Variants in UBOX5 observed in about 807,000 individuals in gnomAD.
UBOX5 encodes the protein U-box domain containing 5, also known as RING finger protein 37.
Under a neutral mutation model 39.0 loss-of-function variants are expected in UBOX5, and 28 were observed. That is an observed-to-expected ratio of 0.72 (90% CI 0.53 to 0.98). The LOEUF (loss-of-function observed/expected upper bound fraction) is 0.98. Among genes scored for constraint, UBOX5 ranks in the 50% least tolerant of loss-of-function variants. The pLI, the probability that UBOX5 is intolerant of heterozygous loss-of-function variation, is 0.00. For missense variants in UBOX5, 585 were observed against 674.4 expected (o/e 0.87, Z 1.47); for synonymous variants, 283 against 275.5 (o/e 1.03, Z -0.27).
intron 1 of UBOX5, among the ~76,000 whole-genome samples, chr20:3,129,975 A>G (rs1257056484): frequency 7.2e-5 from 11 of 152,158 alleles, no homozygotes; most frequent in Non-Finnish European, 1.5e-4. Flanking sequence ...CACGCCTGTG[A>G]TCCCAGTACT....
chr20:3,148,864 C>A, intron 1 of UBOX5: 1 of 1,614,174 alleles, frequency 6.2e-7, no homozygotes, highest in Non-Finnish European at 8.5e-7. Flanking sequence ...TGCTGGTTGT[C>A]AGGATTCTCC....
At chr20:3,151,936 C>T (rs571817236) in intron 1 of UBOX5, 1 of 151,472 alleles carries the variant, frequency 6.6e-6, no homozygotes, top group African/African-American at 2.4e-5. Context: ...GAAACCCTAT[C>T]TCTACTACAA....
At chr20:3,126,512 A>G (rs1266459126) in intron 1 of UBOX5, among the ~76,000 whole-genome samples, 1 of 126,872 alleles carries the variant, frequency 7.9e-6, no homozygotes, top group Non-Finnish European at 1.6e-5. Flanking sequence ...AATAAATACT[A>G]AAAAAAAAAA....
At chr20:3,158,123 G>GTGTTTTTTTTGTTTTT (rs1170836369) in intron 1 of UBOX5, among the ~76,000 whole-genome samples, 6 of 151,940 alleles carry the variant, frequency 3.9e-5, no homozygotes, top group Non-Finnish European at 8.8e-5. Flanking sequence ...GTTTTTTTGT[G>GTGTTTTTTTTGTTTTT]TGTTTTTTTT....
At chr20:3,145,430 GCC>G (rs1491196164) in intron 1 of UBOX5, among the ~76,000 whole-genome samples, 4 of 141,142 alleles carry the variant, frequency 2.8e-5, no homozygotes, top group Non-Finnish European at 4.6e-5. Flanking sequence ...ACCACACTTG[GCC>G]TTTTTTTCCT....
At chr20:3,146,198 A>G (rs1214232677) in intron 1 of UBOX5, among the ~76,000 whole-genome samples, 1 of 151,842 alleles carries the variant, frequency 6.6e-6, no homozygotes, top group Non-Finnish European at 1.5e-5. Context: ...AAAATTATCC[A>G]GGTGTAGTGA....
chr20:3,123,107 G>A (rs2066351253), intron 2 of UBOX5, among the ~76,000 whole-genome samples: 1 of 152,140 alleles, frequency 6.6e-6, no homozygotes, highest in African/African-American at 2.4e-5. Flanking sequence ...TGCACAAAAT[G>A]AGTCACAGCT....
intron 1 of UBOX5, among the ~76,000 whole-genome samples, chr20:3,157,543 G>C (rs2066698866): frequency 6.6e-6 from 1 of 152,212 alleles, no homozygotes; most frequent in African/African-American, 2.4e-5. Flanking sequence ...AAGGATGTGG[G>C]TAGATATAGT....
At chr20:3,110,671 G>A (rs2148584178) in intron 4 of UBOX5, 2 of 306,590 alleles carry the variant, frequency 6.5e-6, no homozygotes, top group South Asian at 3.5e-5. Context: ...ACTCTGACAA[G>A]ATAAACTGCA....
In UBOX5 at chr20:3,121,776, G is replaced by A; in HGVS notation, c.863C>T (p.Thr288Ile). 1 of 1,614,160 alleles carries A rather than the reference G, an allele frequency of 6.2e-7. No individual in the cohort carries two copies. The highest frequency in any genetic ancestry group is 8.5e-7 in the Non-Finnish European group (1 of 1,180,050). Residue 288 changes from threonine (T) to isoleucine (I), a missense_variant, in exon 3 of 5, where the codon ACA (threonine) becomes ATA (isoleucine). Thr to Ile is a moderately conservative substitution (Grantham distance 89, BLOSUM62 -1). Transcript: ENST00000217173. ...TTCACTGCGGTTACACTTCTCCAGT[G>A]TGCTCTGGTCGATGACCTTGCCTGA... Reference protein sequence around the residue: ...LPSGKVIDQSTLEKCNRSEAT... With the variant: ...LPSGKVIDQSILEKCNRSEAT...
intron 1 of UBOX5, among the ~76,000 whole-genome samples, chr20:3,133,133 T>C (rs1161304385): frequency 6.6e-6 from 1 of 152,148 alleles, no homozygotes; most frequent in African/African-American, 2.4e-5. Flanking sequence ...TATGTTTCTG[T>C]GGGAAACAGT....
chr20:3,110,584 G>A, intron 4 of UBOX5: 1 of 492,276 alleles, frequency 2.0e-6, no homozygotes, highest in Non-Finnish European at 3.7e-6. Flanking sequence ...GGCAGGACTG[G>A]GCCCTTCCTC....
chr20:3,109,943 C>A lies in UBOX5; in HGVS notation c.*163G>T. On this transcript the variant is annotated 3_prime_UTR_variant, in exon 5 of 5. Transcript: ENST00000217173. ...CTTTGTTGCCCTATTGCCACCAGCGCAGAAGCAATGTGCTATACCGTGAGG... is the reference window on the plus strand; with the variant it reads ...CTTTGTTGCCCTATTGCCACCAGCGAAGAAGCAATGTGCTATACCGTGAGG... 1 of 786,684 alleles carries A rather than the reference C, an allele frequency of 1.3e-6. No homozygotes were observed. The highest frequency in any genetic ancestry group is 2.6e-5 in the Admixed American group (1 of 38,802). The allele number at this position is 786,684 out of a possible 1,614,324, so 48.7% of individuals were successfully genotyped here. A position where few individuals can be genotyped will look rare whatever the true frequency, so the allele number is the denominator to read the frequency against.
intron 1 of UBOX5, among the ~76,000 whole-genome samples, chr20:3,132,738 G>A (rs1211924444): frequency 3.3e-5 from 5 of 151,026 alleles, no homozygotes; most frequent in Admixed American, 6.6e-5. Context: ...GAGAACTGCT[G>A]GAACCCTGGA....
rs558394716 is a variant in UBOX5 at position 3,133,894 on chromosome 20, A to G, written c.-41-10488T>C. Among the ~76,000 whole-genome samples, 24 of 151,990 alleles carry G rather than the reference A, an allele frequency of 1.6e-4. No homozygotes were observed. The East Asian group carries it at 3.1e-3, about 20-fold the overall frequency. On this transcript the variant is annotated intron_variant, in intron 1 of 4. Transcript: ENST00000217173. ...CTGCCTCCCGAGTATCTGGGACTAC[A>G]GGCGCGCACCACCACATCCGGCTAA...
chr20:3,144,525 A>C (rs1383980086), intron 1 of UBOX5, among the ~76,000 whole-genome samples: 1 of 152,238 alleles, frequency 6.6e-6, no homozygotes. Context: ...TCAAACTATG[A>C]GAAAAGACAT....
Position 3,147,694 on chromosome 20 carries a change from G to A in UBOX5, c.-42+12072C>T, listed in dbSNP as rs1470071867. Reference sequence around the variant, plus strand: ...ACTGGTTGAATTCAGGCATCTTTCTGTGAATCTCACTTATCAGGCTGGAGT... The same window carrying A: ...ACTGGTTGAATTCAGGCATCTTTCTATGAATCTCACTTATCAGGCTGGAGT... On this transcript the variant is annotated intron_variant, in intron 1 of 4. Transcript: ENST00000217173. 5 of 1,614,112 alleles carry A rather than the reference G, an allele frequency of 3.1e-6. 1 individual carries two copies. The South Asian group carries it at 3.3e-5, about 11-fold the overall frequency.
At chr20:3,146,845 T>C (rs771109348) in intron 1 of UBOX5, 2 of 1,614,196 alleles carry the variant, frequency 1.2e-6, no homozygotes, top group Admixed American at 3.3e-5. Flanking sequence ...GTTTCAGTAG[T>C]GGGAGCCATT....
intron 1 of UBOX5, among the ~76,000 whole-genome samples, chr20:3,124,175 G>A (rs756232388): frequency 6.6e-6 from 1 of 152,076 alleles, no homozygotes; most frequent in Non-Finnish European, 1.5e-5. Flanking sequence ...TTCCAGCCTA[G>A]GTGACAGAGT....
Sources: gnomAD v4.1 joint callset for allele counts (sites outside exome capture counted in the v4.1 genomes callset) on GRCh38, gnomAD v4.1.1 for gene constraint, MANE v1.5 for transcripts, NCBI Gene and HGNC (gene_info 2026-07-23, HGNC 2026-07-21) for gene names.